The following WDR64 variants were observed in gnomAD, a reference collection of about 807,000 sequenced individuals.
WDR64 encodes WD repeat domain 64, also known as WD repeat-containing protein 64.
In WDR64, 112 loss-of-function variants were observed where a neutral mutation model predicts 139.3. That is an observed-to-expected ratio of 0.80 (90% CI 0.69 to 0.94). The LOEUF (loss-of-function observed/expected upper bound fraction) is 0.94, where lower values mean the gene tolerates loss of function less well. Among genes scored for constraint, WDR64 ranks in the 40% least tolerant of loss-of-function variants. The pLI is 0.00. For synonymous variants in WDR64, 444 were observed against 437.7 expected (o/e 1.01, Z -0.18); for missense variants, 1,206 against 1,293.1 (o/e 0.93, Z 1.03).
intron 12 of WDR64, among the ~76,000 whole-genome samples, chr1:241,743,496 G>A (rs1198036227): frequency 1.3e-5 from 2 of 151,888 alleles, no homozygotes; most frequent in African/African-American, 4.8e-5. Flanking sequence ...CATCCCCTCC[G>A]CACTCCCCCT....
chr1:241,770,840 T>C, intron 18 of WDR64, 150 bp downstream of exon 18: 1 of 534,990 alleles, frequency 1.9e-6, no homozygotes, highest in Non-Finnish European at 3.0e-6. Context: ...AAACGCATTG[T>C]TTTGCAAAAA....
intron 2 of WDR64, among the ~76,000 whole-genome samples, chr1:241,667,564 G>A (rs1380005950): frequency 1.3e-5 from 2 of 152,164 alleles, no homozygotes; most frequent in Non-Finnish European, 2.9e-5. Flanking sequence ...GAGGAAGAAA[G>A]AAGAGATTCC....
chr1:241,782,465 C>T (rs1408663667), intron 22 of WDR64, among the ~76,000 whole-genome samples: 1 of 152,168 alleles, frequency 6.6e-6, no homozygotes, highest in Non-Finnish European at 1.5e-5. Context: ...CATCACATTA[C>T]ACTTCTAGGT....
At chr1:241,711,261 G>A (rs1668154680) in intron 8 of WDR64, among the ~76,000 whole-genome samples, 1 of 150,574 alleles carries the variant, frequency 6.6e-6, no homozygotes, top group Admixed American at 6.6e-5. Context: ...AATAGTAGAA[G>A]CAGAGAAATT....
At chr1:241,711,430 G>A (rs1197295841) in intron 8 of WDR64, among the ~76,000 whole-genome samples, 3 of 152,088 alleles carry the variant, frequency 2.0e-5, no homozygotes, top group Non-Finnish European at 4.4e-5. Context: ...CAAAGGAGAA[G>A]TGTCCAAAAG....
At chr1:241,654,112 C>T (rs1015605733) in intron 1 of WDR64, among the ~76,000 whole-genome samples, 1 of 152,180 alleles carries the variant, frequency 6.6e-6, no homozygotes, top group African/African-American at 2.4e-5. Context: ...TCAAACCCCC[C>T]TTTTCCACTT....
At chr1:241,666,696 T>C (rs1451170842) in intron 2 of WDR64, among the ~76,000 whole-genome samples, 2 of 152,238 alleles carry the variant, frequency 1.3e-5, no homozygotes, top group Non-Finnish European at 2.9e-5. Context: ...GAATTACAGT[T>C]ACTGAAATGT....
chr1:241,653,994 T>C (rs1665475144), intron 1 of WDR64, among the ~76,000 whole-genome samples: 3 of 152,156 alleles, frequency 2.0e-5, no homozygotes, highest in South Asian at 4.1e-4. Flanking sequence ...CTCTAATTGG[T>C]TTTTCAAACC....
In WDR64 at chr1:241,678,199, A is replaced by C. The variant is rs2148095207; in HGVS notation, c.496A>C (p.Thr166Pro). ...CCTTTGTTCATAGATGAGAGTTCAGACCAGCACCAATGTTACAGTAAGTAC... is the reference window on the plus strand; with the variant it reads ...CCTTTGTTCATAGATGAGAGTTCAGCCCAGCACCAATGTTACAGTAAGTAC... ...TVFNNQMRVQ[T>P]STNVTDTSWI... The change falls in exon 5 of 28, where the codon ACC becomes CCC. Residue 166 changes from threonine to proline, a missense_variant. Physicochemically the swap from Thr to Pro is conservative, Grantham distance 38. Transcript: ENST00000437684. The C allele has an allele frequency of 2.5e-6, 1 of 398,946 alleles. No individual in the cohort carries two copies. The highest frequency in any genetic ancestry group is 3.6e-5 in the East Asian group (1 of 28,058). 24.7% of individuals were successfully genotyped at this position (398,946 alleles called of 1,614,324 possible).
rs57383177 is a variant in WDR64, at chr1:241,771,945, CATATATAT to C, written c.2290+285_2290+292del. Among the ~76,000 whole-genome samples the C allele has an allele frequency of 7.2e-3, 451 of 62,322 alleles. 11 individuals carry two copies. The highest frequency in any genetic ancestry group is 6.7e-3 in the Admixed American group (35 of 5,216). The allele number at this position is 62,322 out of a possible 152,430, so 40.9% of individuals were successfully genotyped here. ...ATACATACATATACATACATACATA[CATATATAT>C]ATATATATATATATATATATATATA... is the stretch of plus-strand genomic sequence containing the variant. On this transcript the variant is annotated intron_variant, in intron 19 of 27. Transcript: ENST00000437684.
At chr1:241,766,675 T>C (rs371934742) in intron 16 of WDR64, among the ~76,000 whole-genome samples, 40 of 150,086 alleles carry the variant, frequency 2.7e-4, no homozygotes, top group African/African-American at 9.6e-4. Context: ...CACTACATCC[T>C]GGGTGACAGA....
intron 22 of WDR64, among the ~76,000 whole-genome samples, chr1:241,782,801 C>A (rs538595248): frequency 2.0e-5 from 3 of 152,284 alleles, no homozygotes; most frequent in Non-Finnish European, 2.9e-5. Flanking sequence ...ATACTCCCCC[C>A]AAAAGAACAA....
chr1:241,770,737 T>C, intron 18 of WDR64, 47 bp downstream of exon 18: 1 of 1,532,582 alleles, frequency 6.5e-7, no homozygotes, highest in Non-Finnish European at 8.8e-7. Flanking sequence ...TACTCAATGT[T>C]GGTTCAAAAA....
Position 241,659,611 on chromosome 1 carries a change from A to G in WDR64, c.146-919A>G, listed in dbSNP as rs180811959. 2.3e-3 allele frequency among the ~76,000 whole-genome samples: 348 copies of G among 152,296 alleles called. 2 individuals carry two copies. Among genetic ancestry groups the G allele is most frequent in the Non-Finnish European group, 4.0e-3 (269 of 67,996 alleles). On this transcript the variant is annotated intron_variant, in intron 1 of 27. Transcript: ENST00000437684. ...TTCAATAGTAGCCATTCTGACTGGT[A>G]TAAGATATTATCTCATTGTGATTTT... is the stretch of plus-strand genomic sequence containing the variant.
At position 241,687,715 on chromosome 1, in the gene WDR64, C is replaced by G. The variant is rs1349350853; in HGVS notation, c.974+120C>G. The G allele has an allele frequency of 7.7e-6, 8 of 1,038,968 alleles. No individual in the cohort carries two copies. The East Asian group carries it at 1.3e-4, about 16-fold the overall frequency. 64.4% of individuals were successfully genotyped at this position (1,038,968 alleles called of 1,614,324 possible). On this transcript the variant is annotated intron_variant, in intron 8 of 27. Transcript: ENST00000437684. Reference sequence around the variant, plus strand: ...TTAAAAAAATCGGACATTAACTATTCCATTTGTTTGGGAAGGTTAATTAGA... The same window carrying G: ...TTAAAAAAATCGGACATTAACTATTGCATTTGTTTGGGAAGGTTAATTAGA...
At chr1:241,758,338 G>C (rs1670291693) in intron 15 of WDR64, among the ~76,000 whole-genome samples, 1 of 147,108 alleles carries the variant, frequency 6.8e-6, no homozygotes, top group African/African-American at 2.5e-5. Context: ...TATCTCAGCA[G>C]CCATTGATGA....
Position 241,772,827 on chromosome 1 carries a change from C to T in WDR64, c.2326C>T (p.Pro776Ser). 9 of 1,552,008 alleles carry T rather than the reference C, an allele frequency of 5.8e-6. No homozygotes were observed. The highest frequency in any genetic ancestry group is 7.8e-6 in the Non-Finnish European group (9 of 1,147,082). Residue 776 changes from proline to serine, a missense_variant, in exon 20 of 28, where the codon CCA becomes TCA. Pro to Ser is a moderately conservative substitution (Grantham distance 74). Coordinates refer to ENST00000437684, the MANE Select transcript of WDR64 (RefSeq NM_001367482.1). ...QTDVMVGKQQPMDKKHPGIAN... is the reference protein window; with the variant it reads ...QTDVMVGKQQSMDKKHPGIAN... ...AGATGTAATGGTGGGAAAGCAACAG[C>T]CAATGGACAAAAAACACCCTGGAAT...
chr1:241,689,715 A>G (rs1667141826), intron 8 of WDR64, among the ~76,000 whole-genome samples: 2 of 152,210 alleles, frequency 1.3e-5, no homozygotes, highest in Admixed American at 1.3e-4. Flanking sequence ...GGGCTCGGAT[A>G]AAGCAGGCAG....
At chr1:241,696,169 C>A (rs2148135073) in intron 8 of WDR64, among the ~76,000 whole-genome samples, 1 of 125,700 alleles carries the variant, frequency 8.0e-6, no homozygotes. Flanking sequence ...ACTGATAAGA[C>A]CCTAACTTAC....
Sources: allele counts gnomAD v4.1 joint callset (sites outside exome capture counted in the v4.1 genomes callset), GRCh38; gene constraint gnomAD v4.1.1; transcripts MANE v1.5; gene names NCBI Gene and HGNC (gene_info 2026-07-23, HGNC 2026-07-21).